Variants in PCDH7 observed in about 807,000 individuals in gnomAD.
The protein encoded by PCDH7 is protocadherin-7.
PCDH7 carries 17 observed loss-of-function variants against 58.9 expected under a neutral mutation model. That is an observed-to-expected ratio of 0.29 (90% CI 0.20 to 0.43). PCDH7 has a LOEUF of 0.43. Ranked by LOEUF, PCDH7 falls within the 20% of genes least tolerant of loss-of-function variation. The probability of loss-of-function intolerance (pLI) is 1.00; values close to 1 mark genes in which losing one functional copy is unlikely to be tolerated. For synonymous variants in PCDH7, 664 were observed against 616.4 expected, an observed-to-expected ratio of 1.08 and a Z score of -1.14; for missense variants, 1,274 against 1,441.0, an observed-to-expected ratio of 0.88 and a Z score of 1.88.
chr4:31,001,368 TA>T (rs1365547918), intron 3 of PCDH7, among the ~76,000 whole-genome samples: 9 of 152,082 alleles, frequency 5.9e-5, no homozygotes, highest in Non-Finnish European at 7.4e-5. Context: ...AATAAAACAT[TA>T]AACACATGCT....
intron 3 of PCDH7, among the ~76,000 whole-genome samples, chr4:30,991,150 A>G (rs1578504181): frequency 1.3e-5 from 2 of 152,292 alleles, no homozygotes; most frequent in East Asian, 1.9e-4. Flanking sequence ...TTCTCTTCCA[A>G]TATAATCTGG....
chr4:30,911,504 A>T (rs1465611001), intron 1 of PCDH7, among the ~76,000 whole-genome samples: 1 of 152,174 alleles, frequency 6.6e-6, no homozygotes, highest in Non-Finnish European at 1.5e-5. Flanking sequence ...ACCCTTGACT[A>T]GGTTTAAAAT....
At chr4:31,108,872 G>T (rs1283435128) in intron 3 of PCDH7, among the ~76,000 whole-genome samples, 1 of 151,990 alleles carries the variant, frequency 6.6e-6, no homozygotes, top group Non-Finnish European at 1.5e-5. Flanking sequence ...CTGGCTTAAG[G>T]CAATAAACAT....
At chr4:31,056,510 AAAGAAAGGGGAAG>A (rs1560608863) in intron 3 of PCDH7, among the ~76,000 whole-genome samples, 34 of 111,876 alleles carry the variant, frequency 3.0e-4, no homozygotes, top group African/African-American at 1.2e-3. Context: ...AGAAAGAAAG[AAAGAAAGGGGAAG>A]GGAAGGGAAG....
chr4:30,852,933 GATGGTAA>G (rs1489814288), intron 1 of PCDH7, among the ~76,000 whole-genome samples: 1 of 151,602 alleles, frequency 6.6e-6, no homozygotes, highest in Non-Finnish European at 1.5e-5. Flanking sequence ...GTTTATCGGA[GATGGTAA>G]ATGGGTTTCA....
chr4:30,878,394 AG>A (rs1736551615), intron 1 of PCDH7, among the ~76,000 whole-genome samples: 1 of 152,142 alleles, frequency 6.6e-6, no homozygotes. Context: ...AAGGTTAGGA[AG>A]TGTCTTTCTG....
intron 2 of PCDH7, among the ~76,000 whole-genome samples, chr4:30,925,522 T>TG (rs780523973): frequency 5.9e-5 from 9 of 152,214 alleles, no homozygotes; most frequent in Non-Finnish European, 1.0e-4. Context: ...CTGTCATACC[T>TG]TTTTTCGTCT....
At chr4:30,941,186 A>G (rs1171814458) in intron 2 of PCDH7, among the ~76,000 whole-genome samples, 3 of 152,038 alleles carry the variant, frequency 2.0e-5, no homozygotes, top group South Asian at 2.1e-4. Context: ...ATTAAAATAC[A>G]TTAACTAAGA....
At chr4:31,021,150 A>G (rs1753987920) in intron 3 of PCDH7, among the ~76,000 whole-genome samples, 1 of 152,234 alleles carries the variant, frequency 6.6e-6, no homozygotes, top group African/African-American at 2.4e-5. Context: ...ATTACATTTG[A>G]CAGTTTTGTT....
intron 3 of PCDH7, among the ~76,000 whole-genome samples, chr4:31,042,044 T>A (rs1182976414): frequency 6.6e-6 from 1 of 152,136 alleles, no homozygotes; most frequent in Non-Finnish European, 1.5e-5. Flanking sequence ...AAGATACTAG[T>A]GTTTCTGATC....
intron 3 of PCDH7, among the ~76,000 whole-genome samples, chr4:31,012,053 C>A (rs1393778216): frequency 1.3e-5 from 2 of 152,022 alleles, no homozygotes; most frequent in African/African-American, 4.8e-5. Flanking sequence ...AGCACCAAAT[C>A]TTCTTAGAAA....
At chr4:30,756,562 C>T (rs953886266) in intron 1 of PCDH7, among the ~76,000 whole-genome samples, 4 of 152,184 alleles carry the variant, frequency 2.6e-5, no homozygotes, top group African/African-American at 4.8e-5. Flanking sequence ...GGTACAACCT[C>T]TTCTTATCTT....
chr4:31,118,230 A>G (rs1717235348), intron 3 of PCDH7, among the ~76,000 whole-genome samples: 1 of 152,210 alleles, frequency 6.6e-6, no homozygotes, highest in South Asian at 2.1e-4. Flanking sequence ...CATTGTAAGA[A>G]AGTAGCTAAG....
At chr4:30,968,987 A>G (rs1344494233) in intron 3 of PCDH7, among the ~76,000 whole-genome samples, 2 of 152,198 alleles carry the variant, frequency 1.3e-5, no homozygotes, top group African/African-American at 4.8e-5. Flanking sequence ...AGGATCCTGC[A>G]TAAAATTGTA....
intron 3 of PCDH7, among the ~76,000 whole-genome samples, chr4:31,091,796 C>A (rs1246398248): frequency 6.6e-6 from 1 of 151,928 alleles, no homozygotes; most frequent in Non-Finnish European, 1.5e-5. Flanking sequence ...AAAGTTTCCA[C>A]TTAACTCAAG....
chr4:30,957,468 G>C (rs796223212), intron 3 of PCDH7, among the ~76,000 whole-genome samples: 11 of 152,226 alleles, frequency 7.2e-5, no homozygotes, highest in African/African-American at 2.4e-4. Flanking sequence ...AAACAACCAG[G>C]AAATGTGGAT....
At chr4:30,880,938 C>T (rs181823334) in intron 1 of PCDH7, among the ~76,000 whole-genome samples, 1 of 152,196 alleles carries the variant, frequency 6.6e-6, no homozygotes, top group East Asian at 1.9e-4. Flanking sequence ...TTTTGTTTTC[C>T]TTGCTTTACT....
Position 30,905,479 on chromosome 4 carries a change from A to T in PCDH7, c.71-14674A>T, listed in dbSNP as rs865898203. ...ATGAGAAAATGAAAAACAAAAAAAAACCACAAAAATAAAAGAAACCTTTGC... is the reference window on the plus strand; with the variant it reads ...ATGAGAAAATGAAAAACAAAAAAAATCCACAAAAATAAAAGAAACCTTTGC... On this transcript the variant is annotated intron_variant, in intron 1 of 3. Coordinates refer to the PCDH7 transcript ENST00000509759. 2.5e-3 allele frequency among the ~76,000 whole-genome samples: 385 copies of T among 151,762 alleles called. 1 individual carries two copies. The highest frequency in any genetic ancestry group is 9.0e-3 in the African/African-American group (372 of 41,402).
intron 3 of PCDH7, among the ~76,000 whole-genome samples, chr4:31,001,968 AT>A (rs1307623767): frequency 6.6e-6 from 1 of 152,188 alleles, no homozygotes; most frequent in Non-Finnish European, 1.5e-5. Context: ...ATTTAAACTA[AT>A]TATAAACTCC....
Sources: gnomAD v4.1 joint callset for allele counts (sites outside exome capture counted in the v4.1 genomes callset) on GRCh38, gnomAD v4.1.1 for gene constraint, MANE v1.5 for transcripts, NCBI Gene and HGNC (gene_info 2026-07-23, HGNC 2026-07-21) for gene names.